The following TENM4 variants were observed in gnomAD, a reference collection of about 807,000 sequenced individuals.
TENM4 encodes teneurin-4.
A neutral mutation model predicts 243.3 loss-of-function variants in TENM4; 82 were observed. The ratio of observed to expected loss-of-function variants is 0.34; its 90% confidence interval spans 0.28 to 0.40. The LOEUF is 0.40. Among genes scored for constraint, TENM4 ranks in the 10% least tolerant of loss-of-function variants. TENM4 has a pLI of 1.00. For synonymous variants in TENM4, 1,412 were observed against 1,456.3 expected, an observed-to-expected ratio of 0.97 and a Z score of 0.69; for missense variants, 3,138 against 3,673.3, an observed-to-expected ratio of 0.85 and a Z score of 3.77.
At chr11:79,386,212 T>C (rs940683340) in intron 1 of TENM4, among the ~76,000 whole-genome samples, 8 of 151,868 alleles carry the variant, frequency 5.3e-5, no homozygotes, top group African/African-American at 1.9e-4. Context: ...TGGTTATCCA[T>C]ATGCAAAACA....
At chr11:79,298,585 C>T (rs557314069) in intron 1 of TENM4, among the ~76,000 whole-genome samples, 1 of 146,828 alleles carries the variant, frequency 6.8e-6, no homozygotes, top group Non-Finnish European at 1.5e-5. Flanking sequence ...GTCACAGATA[C>T]CCTTTTTAAC....
At chr11:79,327,017 C>A (rs2135437422) in intron 1 of TENM4, among the ~76,000 whole-genome samples, 1 of 152,318 alleles carries the variant, frequency 6.6e-6, no homozygotes, top group East Asian at 1.9e-4. Context: ...GCTCTGGCTG[C>A]AGAAAGAGCT....
At chr11:78,662,194 C>CTT (rs758052978) in intron 32 of TENM4, among the ~76,000 whole-genome samples, 5 of 140,858 alleles carry the variant, frequency 3.5e-5, no homozygotes, top group East Asian at 2.0e-4. Context: ...CATTTTCTTT[C>CTT]TTTTTTTTTT....
rs113400710 is a variant in TENM4 at position 78,980,560 on chromosome 11, T to C, written c.494-77037A>G. On this transcript the variant is annotated intron_variant, in intron 6 of 33. Coordinates refer to ENST00000278550, the MANE Select transcript of TENM4 (RefSeq NM_001098816.3). ...CCAAGGTCCTATAGGAAGGCAGCAG[T>C]GGAAATGGTTTTGTGCCATTAATAT... Among the ~76,000 whole-genome samples, 726 of 152,258 alleles carry C rather than the reference T, an allele frequency of 4.8e-3. 7 individuals are homozygous for C. Among genetic ancestry groups the C allele is most frequent in the African/African-American group, 0.016 (670 of 41,532 alleles).
rs184908960 is a variant in TENM4, at chr11:78,944,771, C to T, written c.494-41248G>A. Among the ~76,000 whole-genome samples the T allele has an allele frequency of 2.1e-3, 317 of 152,312 alleles. 2 individuals are homozygous for T. Among genetic ancestry groups the T allele is most frequent in the Middle Eastern group, 3.4e-3 (1 of 294 alleles). ...GGCTAAGAGCTTTTCACAAAGCACACTGTATCTTCACTTCCCTTTGCTGGG... is the reference window on the plus strand; with the variant it reads ...GGCTAAGAGCTTTTCACAAAGCACATTGTATCTTCACTTCCCTTTGCTGGG... On this transcript the variant is annotated intron_variant, in intron 6 of 33. Coordinates refer to ENST00000278550, the MANE Select transcript of TENM4 (RefSeq NM_001098816.3).
intron 1 of TENM4, among the ~76,000 whole-genome samples, chr11:79,372,754 G>A (rs1056302946): frequency 5.3e-5 from 8 of 152,178 alleles, no homozygotes; most frequent in African/African-American, 1.9e-4. Flanking sequence ...GGCTTGGCAT[G>A]CAGTAGGCAC....
In TENM4 at chr11:79,064,546, T is replaced by C. The variant is rs969807173; in HGVS notation, c.493+192A>G. 20 of 723,004 alleles carry C rather than the reference T, an allele frequency of 2.8e-5. No homozygotes were observed. In the African/African-American group the frequency reaches 3.6e-4, roughly 13 times the overall value. The allele number at this position is 723,004 out of a possible 1,614,324, so 44.8% of individuals were successfully genotyped here. A position where few individuals can be genotyped will look rare whatever the true frequency, so the allele number is the denominator to read the frequency against. On this transcript the variant is annotated intron_variant, in intron 6 of 33. Coordinates refer to ENST00000278550, the MANE Select transcript of TENM4 (RefSeq NM_001098816.3). ...CCGGAAGCAAAGAGCAGCGACCCAA[T>C]CTCTGGCATGTCACTCATGGGTGGG...
chr11:79,217,324 A>G (rs11237766), intron 2 of TENM4, among the ~76,000 whole-genome samples: 5,758 of 152,218 alleles, frequency 0.038, 166 homozygotes, highest in East Asian at 0.16. Flanking sequence ...ACACTCACCC[A>G]TAAAAAATAC....
chr11:79,074,002 T>C (rs1401305320), intron 4 of TENM4, among the ~76,000 whole-genome samples: 2 of 152,124 alleles, frequency 1.3e-5, no homozygotes, highest in African/African-American at 4.8e-5. Flanking sequence ...CTCTTATCAG[T>C]GTGTGCCTGT....
chr11:79,098,731 C>T (rs1861148852), intron 4 of TENM4, among the ~76,000 whole-genome samples: 1 of 152,220 alleles, frequency 6.6e-6, no homozygotes, highest in South Asian at 2.1e-4. Context: ...GGGCTCAGAC[C>T]TTCCGTCTGG....
chr11:78,855,847 A>G, intron 11 of TENM4, 117 bp downstream of exon 11: 1 of 975,398 alleles, frequency 1.0e-6, no homozygotes, highest in South Asian at 1.7e-5. Flanking sequence ...TGAATGGGCT[A>G]TAAAATATAT....
chr11:78,947,598 C>CT (rs1405970955), intron 6 of TENM4, among the ~76,000 whole-genome samples: 46 of 152,218 alleles, frequency 3.0e-4, no homozygotes, highest in African/African-American at 1.0e-3. Flanking sequence ...TAGCTATAAA[C>CT]CTCCGACAGA....
At chr11:79,173,571 T>C (rs1031296054) in intron 3 of TENM4, among the ~76,000 whole-genome samples, 16 of 152,162 alleles carry the variant, frequency 1.1e-4, no homozygotes, top group Non-Finnish European at 1.2e-4. Context: ...ATAATAAACA[T>C]GGTATTTTAG....
chr11:78,670,669 G>A (rs1858300735), intron 31 of TENM4, 118 bp from the exon 32 acceptor site: 1 of 1,059,152 alleles, frequency 9.4e-7, no homozygotes, highest in African/African-American at 1.6e-5. Flanking sequence ...GAGTTTCCAT[G>A]GTTCTCTTGA....
At chr11:79,175,662 C>T (rs77265870) in intron 3 of TENM4, among the ~76,000 whole-genome samples, 427 of 152,240 alleles carry the variant, frequency 2.8e-3, no homozygotes, top group African/African-American at 9.6e-3. Flanking sequence ...CAGAGCTCAA[C>T]GGTATTTATT....
chr11:79,428,836 T>G (rs1859108831), intron 1 of TENM4, among the ~76,000 whole-genome samples: 1 of 152,202 alleles, frequency 6.6e-6, no homozygotes, highest in African/African-American at 2.4e-5. Context: ...TAAGATCCCT[T>G]TATGCTGCTT....
At chr11:78,906,345 T>G (rs887492742) in intron 6 of TENM4, among the ~76,000 whole-genome samples, 2 of 152,188 alleles carry the variant, frequency 1.3e-5, no homozygotes, top group Admixed American at 1.3e-4. Flanking sequence ...GCATAAAACT[T>G]AAACACCTCC....
At chr11:79,124,887 A>ATGTGTGTGTGTGTG (rs750326710) in intron 4 of TENM4, among the ~76,000 whole-genome samples, 20 of 74,456 alleles carry the variant, frequency 2.7e-4, no homozygotes, top group Admixed American at 5.6e-4. Context: ...ATATATGTAT[A>ATGTGTGTGTGTGTG]TGTATATGTG....
chr11:79,152,971 T>A (rs2135061682), intron 3 of TENM4, among the ~76,000 whole-genome samples: 1 of 152,332 alleles, frequency 6.6e-6, no homozygotes, highest in East Asian at 1.9e-4. Context: ...ATTACATGGA[T>A]GTTTGTTCTT....
Sources: allele counts gnomAD v4.1 joint callset (sites outside exome capture counted in the v4.1 genomes callset), GRCh38; gene constraint gnomAD v4.1.1; transcripts MANE v1.5; gene names NCBI Gene and HGNC (gene_info 2026-07-23, HGNC 2026-07-21).